The following DPH6 variants were observed in gnomAD, a reference collection of about 807,000 sequenced individuals.
DPH6 encodes the protein diphthine--ammonia ligase.
In DPH6, 33 loss-of-function variants were observed where a neutral mutation model predicts 38.2. That is an observed-to-expected ratio of 0.86 (90% CI 0.65 to 1.15). The LOEUF (loss-of-function observed/expected upper bound fraction) is 1.15. DPH6 is among the 50% of genes most tolerant of loss of function. The pLI, the probability that DPH6 is intolerant of heterozygous loss-of-function variation, is 0.00. For synonymous variants in DPH6, 108 were observed against 103.0 expected (o/e 1.05, Z -0.30); for missense variants, 325 against 320.0 (o/e 1.02, Z -0.12).
intron 3 of DPH6, among the ~76,000 whole-genome samples, chr15:35,255,310 C>G (rs1008612189): frequency 3.3e-5 from 5 of 152,126 alleles, no homozygotes; most frequent in African/African-American, 1.2e-4. Context: ...AATAGACCTG[C>G]TGTTCTGAAA....
At chr15:35,195,725 TC>T in the DPH6 span, among the ~76,000 whole-genome samples, 2 of 152,082 alleles carry the variant, frequency 1.3e-5, no homozygotes, top group African/African-American at 4.8e-5. Flanking sequence ...CCAAGACCCA[TC>T]CGTGTAGCAA....
At chr15:35,431,665 T>C (rs1350651238) in intron 5 of DPH6, among the ~76,000 whole-genome samples, 2 of 152,068 alleles carry the variant, frequency 1.3e-5, no homozygotes, top group Non-Finnish European at 2.9e-5. Flanking sequence ...GAAAGAAATA[T>C]AATGGGGACA....
At chr15:35,381,115 C>G (rs11638354) in intron 7 of DPH6, among the ~76,000 whole-genome samples, 1 of 151,840 alleles carries the variant, frequency 6.6e-6, no homozygotes, top group East Asian at 1.9e-4. Flanking sequence ...GTTAGAAATA[C>G]TGAAGCCTTC....
At chr15:35,413,817 TA>T (rs911461428) in intron 5 of DPH6, among the ~76,000 whole-genome samples, 4 of 151,670 alleles carry the variant, frequency 2.6e-5, no homozygotes, top group African/African-American at 9.7e-5. Flanking sequence ...CATTAAGCTT[TA>T]TATATTTTTC....
At chr15:35,410,969 G>A (rs1297509924) in intron 5 of DPH6, 73 bp from the exon 6 acceptor site, 2 of 1,336,342 alleles carry the variant, frequency 1.5e-6, no homozygotes, top group African/African-American at 1.5e-5. Flanking sequence ...CCCTTCCCTT[G>A]GCCCCTCCTC....
At chr15:35,316,660 A>G (rs2052191246) in intron 3 of DPH6, among the ~76,000 whole-genome samples, 1 of 152,210 alleles carries the variant, frequency 6.6e-6, no homozygotes, top group Admixed American at 6.5e-5. Flanking sequence ...CAGAGGGAGC[A>G]GAAGAGAAAA....
intron 3 of DPH6, chr15:35,298,275 C>T: frequency 1.8e-6 from 1 of 564,620 alleles, no homozygotes; most frequent in South Asian, 1.4e-5. Context: ...ATCCAAGATA[C>T]TGAATTTTTC....
chr15:35,267,480 C>T (rs2051790421), intron 3 of DPH6, among the ~76,000 whole-genome samples: 1 of 152,204 alleles, frequency 6.6e-6, no homozygotes, highest in African/African-American at 2.4e-5. Flanking sequence ...TACTTCCTTA[C>T]TGCCTGTCTC....
chr15:35,537,971 A>G (rs1021275538), intron 3 of DPH6: 10 of 187,582 alleles, frequency 5.3e-5, no homozygotes, highest in Admixed American at 1.7e-4. Flanking sequence ...ATATTTGTTA[A>G]TAAAGAGATT....
rs2053812304 is a variant in DPH6, at chr15:35,443,383, T to TC, written c.505+7301_505+7302insG. On this transcript the variant is annotated intron_variant, in intron 5 of 8. Transcript: ENST00000256538. ...TCTGACTTTTCTCTGCCCCAGCTCT[T>TC]ACTCCAGGAGCAAGGTGATGAGAAA... 2.0e-5 allele frequency among the ~76,000 whole-genome samples: 3 copies of TC among 152,304 alleles called. No homozygotes were observed. In the South Asian group the frequency reaches 6.2e-4, roughly 32 times the overall value.
At chr15:35,214,275 G>A (rs983757383), downstream of DPH6, among the ~76,000 whole-genome samples, 4 of 152,178 alleles carry the variant, frequency 2.6e-5, no homozygotes, top group African/African-American at 9.7e-5. Context: ...GGGCTACTCT[G>A]AATTTACTAA....
At chr15:35,173,969 T>TAAAC in the DPH6 span, among the ~76,000 whole-genome samples, 41 of 152,300 alleles carry the variant, frequency 2.7e-4, no homozygotes, top group African/African-American at 9.9e-4. Flanking sequence ...GGTGCTGGTT[T>TAAAC]AGGTGTTTAT....
chr15:35,470,171 C>A (rs1331823538), intron 3 of DPH6, among the ~76,000 whole-genome samples: 1 of 152,090 alleles, frequency 6.6e-6, no homozygotes, highest in East Asian at 1.9e-4. Flanking sequence ...ACACTTCCAG[C>A]CTGGGTGAGA....
chr15:35,401,242 G>A, intron 6 of DPH6: 7 of 1,092,618 alleles, frequency 6.4e-6, no homozygotes, highest in South Asian at 2.5e-5. Context: ...AGGACAAAGT[G>A]GTTCTGGAAA....
At chr15:35,517,472 T>C (rs1438795863) in intron 3 of DPH6, among the ~76,000 whole-genome samples, 1 of 152,152 alleles carries the variant, frequency 6.6e-6, no homozygotes, top group Non-Finnish European at 1.5e-5. Context: ...GTCAGTCTTG[T>C]AAGCCAGAAT....
At chr15:35,228,399 C>T (rs985377880) in intron 3 of DPH6, among the ~76,000 whole-genome samples, 3 of 152,258 alleles carry the variant, frequency 2.0e-5, no homozygotes, top group African/African-American at 7.2e-5. Flanking sequence ...CTGTGTTTTT[C>T]TGTGTACTTA....
chr15:35,160,088 G>A, the DPH6 span, among the ~76,000 whole-genome samples: 4 of 151,896 alleles, frequency 2.6e-5, no homozygotes, highest in African/African-American at 7.3e-5. Flanking sequence ...TACCTATCGG[G>A]TACTATGCTC....
chr15:35,505,754 C>T (rs1476314574), intron 3 of DPH6, among the ~76,000 whole-genome samples: 1 of 152,062 alleles, frequency 6.6e-6, no homozygotes, highest in Non-Finnish European at 1.5e-5. Context: ...GTAGACTAAA[C>T]AAAAGCAGGA....
chr15:35,482,706 A>C (rs1436991798), intron 3 of DPH6, among the ~76,000 whole-genome samples: 1 of 152,158 alleles, frequency 6.6e-6, no homozygotes, highest in Non-Finnish European at 1.5e-5. Context: ...CACATACAAA[A>C]AATAACTAAA....
Sources: allele counts gnomAD v4.1 joint callset (sites outside exome capture counted in the v4.1 genomes callset), GRCh38; gene constraint gnomAD v4.1.1; transcripts MANE v1.5; gene names NCBI Gene and HGNC (gene_info 2026-07-23, HGNC 2026-07-21).